CELA3A: variants seen among roughly 807,000 people sequenced by gnomAD.
CELA3A encodes the protein chymotrypsin-like elastase family member 3A.
CELA3A carries 35 observed loss-of-function variants against 38.6 expected under a neutral mutation model. The observed-to-expected ratio is 0.91, with a 90% confidence interval of 0.69 to 1.20. The LOEUF is 1.20. Ranked by LOEUF, CELA3A falls within the 50% of genes most tolerant of loss-of-function variation. CELA3A has a pLI of 0.00. For synonymous variants in CELA3A, 143 were observed against 136.7 expected (o/e 1.05, Z -0.32); for missense variants, 343 against 354.2 (o/e 0.97, Z 0.25).
rs544002041 is a variant in CELA3A, at chr1:22,008,454, C to T, written c.642+939C>T. Among the ~76,000 whole-genome samples, 69 of 146,876 alleles carry T rather than the reference C, an allele frequency of 4.7e-4. 3 individuals carry two copies. Among genetic ancestry groups the T allele is most frequent in the African/African-American group, 1.6e-3 (67 of 40,650 alleles). ...ATGTGAGCCACTTTCCTGGCCAAGA[C>T]CTTGTCTAAGAAAAAAAAACAAAGG... On this transcript the variant is annotated intron_variant, in intron 6 of 7. Coordinates refer to ENST00000290122, the MANE Select transcript of CELA3A (RefSeq NM_005747.5).
At chr1:22,004,752 A>C (rs1288237064) in intron 2 of CELA3A, among the ~76,000 whole-genome samples, 1 of 151,084 alleles carries the variant, frequency 6.6e-6, no homozygotes, top group African/African-American at 2.5e-5. Flanking sequence ...AGAACTCATC[A>C]GGGTGAGCTG....
In CELA3A at chr1:22,004,220, C is replaced by T. The variant is rs377451296; in HGVS notation, c.129+1132C>T. 1.7e-4 allele frequency among the ~76,000 whole-genome samples: 25 copies of T among 150,540 alleles called. 1 individual carries two copies. The East Asian group carries it at 4.3e-3, about 26-fold the overall frequency. ...CTGTGTAGCTAGGACTACAGGCATG[C>T]GCCACCATGCCCAGCTAATTTTTAT... is the stretch of plus-strand genomic sequence containing the variant. On this transcript the variant is annotated intron_variant, in intron 2 of 7. Coordinates refer to ENST00000290122, the MANE Select transcript of CELA3A (RefSeq NM_005747.5).
At chr1:22,008,152 C>CTTTT (rs71016968) in intron 6 of CELA3A, among the ~76,000 whole-genome samples, 18 of 86,856 alleles carry the variant, frequency 2.1e-4, no homozygotes, top group Middle Eastern at 9.3e-3. Context: ...GACGTTGTCT[C>CTTTT]TTTTTTTTTT....
intron 2 of CELA3A, among the ~76,000 whole-genome samples, chr1:22,004,274 T>C (rs1644935855): frequency 6.6e-6 from 1 of 150,792 alleles, no homozygotes; most frequent in Admixed American, 6.6e-5. Context: ...GGTCTCACTA[T>C]GTTGCCCAGG....
chr1:22,006,247 C>T (rs1644949257), intron 4 of CELA3A, among the ~76,000 whole-genome samples: 1 of 151,728 alleles, frequency 6.6e-6, no homozygotes, highest in Non-Finnish European at 1.5e-5. Flanking sequence ...CTGAGCAAGT[C>T]ACTGGCCTTC....
rs911609046 is a variant in CELA3A at position 22,007,647 on chromosome 1, A to G, written c.642+132A>G. The G allele has an allele frequency of 4.9e-6, 7 of 1,433,852 alleles. No homozygotes were observed. In the Admixed American group the frequency reaches 7.1e-5, roughly 15 times the overall value. The allele number at this position is 1,433,852 out of a possible 1,614,324, so 88.8% of individuals were successfully genotyped here. On this transcript the variant is annotated intron_variant, in intron 6 of 7. Transcript: ENST00000290122. The stretch of plus-strand genomic sequence containing the variant: ...AGCCTCCAGGCCAGGCAGGACTTGG[A>G]GGAAATCAGCGCAGTCCAGACACAG...
intron 3 of CELA3A, 54 bp downstream of exon 3, chr1:22,005,598 G>A: frequency 1.9e-6 from 3 of 1,612,118 alleles, no homozygotes; most frequent in Non-Finnish European, 2.5e-6. Context: ...GGGAGAGTGG[G>A]TGATGATGGG....
rs1045781252 is a variant in CELA3A at position 22,007,476 on chromosome 1, C to T, written c.603C>T (p.Thr201=). ...GGTGGGGTTCCACCGTGAAGAAAACCATGGTGTGTGCTGGAGGGTACATCC... is the reference window on the plus strand; with the variant it reads ...GGTGGGGTTCCACCGTGAAGAAAACTATGGTGTGTGCTGGAGGGTACATCC... ...WNWWGSTVKK[T]MVCAGGYIRS... is the part of the protein sequence containing the mutation. The change falls in exon 6 of 8, where the codon ACC becomes ACT. Residue 201 remains threonine, a synonymous_variant. Transcript: ENST00000290122. The T allele has an allele frequency of 3.7e-6, 6 of 1,612,402 alleles. 1 individual carries two copies. The African/African-American group carries it at 6.7e-5, about 18-fold the overall frequency.
intron 6 of CELA3A, among the ~76,000 whole-genome samples, chr1:22,007,920 G>C (rs1644960787): frequency 1.3e-5 from 2 of 151,022 alleles, no homozygotes; most frequent in Non-Finnish European, 2.9e-5. Flanking sequence ...GGGAGGCTGA[G>C]GTGGGAGGAT....
intron 1 of CELA3A, chr1:22,002,591 C>G (rs1644925006): frequency 2.2e-6 from 1 of 456,304 alleles, no homozygotes. Context: ...GATCCTCCCG[C>G]CTCGGCCTCT....
chr1:22,007,329 G>A lies in CELA3A; in HGVS notation c.500-44G>A, dbSNP rs368203921. 234 of 1,574,672 alleles carry A rather than the reference G, an allele frequency of 1.5e-4. 14 individuals are homozygous for A. In the African/African-American group the frequency reaches 2.0e-3, roughly 13 times the overall value. The stretch of plus-strand genomic sequence containing the variant: ...GCCCCCTTCCTCTGGGGCACCTAGC[G>A]GTGTGCCCCCAGACCCCTGACTCGG... On this transcript the variant is annotated intron_variant, in intron 5 of 7. Coordinates refer to ENST00000290122, the MANE Select transcript of CELA3A (RefSeq NM_005747.5).
In CELA3A at chr1:22,005,801, G is replaced by A. The variant is rs750280759; in HGVS notation, c.362+5G>A. 4 of 1,611,038 alleles carry A rather than the reference G, an allele frequency of 2.5e-6. No individual in the cohort carries two copies. The South Asian group carries it at 4.4e-5, about 18-fold the overall frequency. On this transcript the variant is annotated splice_donor_5th_base_variant and intron_variant, in intron 4 of 7. Transcript: ENST00000290122. ...CCGCTCGTGTGTGGCCTGTGGGTGAGTGAATGCTCCGGTCTGGAACCCAGG... is the reference window on the plus strand; with the variant it reads ...CCGCTCGTGTGTGGCCTGTGGGTGAATGAATGCTCCGGTCTGGAACCCAGG...
At chr1:22,007,340 A>G in intron 5 of CELA3A, 33 bp from the exon 6 acceptor site, 1 of 1,588,790 alleles carries the variant, frequency 6.3e-7, no homozygotes, top group Middle Eastern at 1.7e-4. Context: ...GTGTGCCCCC[A>G]GACCCCTGAC....
At chr1:22,003,368 T>G (rs1253402392) in intron 2 of CELA3A, among the ~76,000 whole-genome samples, 1 of 151,050 alleles carries the variant, frequency 6.6e-6, no homozygotes, top group African/African-American at 2.5e-5. Context: ...GGCACTGTGT[T>G]GACGAAGTGA....
At chr1:22,003,619 T>C (rs946891969) in intron 2 of CELA3A, among the ~76,000 whole-genome samples, 8 of 150,470 alleles carry the variant, frequency 5.3e-5, no homozygotes, top group African/African-American at 2.0e-4. Context: ...AGTTGGAGGT[T>C]GCAGTGAGAC....
In CELA3A at chr1:22,005,773, G is replaced by A. The variant is rs374012083; in HGVS notation, c.339G>A (p.Trp113Ter). The change falls in exon 4 of 8, where the codon TGG becomes TGA. Residue 113 changes from tryptophan to a stop codon, truncating the protein, a stop_gained. Coordinates refer to ENST00000290122, the MANE Select transcript of CELA3A (RefSeq NM_005747.5). LOFTEE classifies it high-confidence loss of function. The stretch of plus-strand genomic sequence containing the variant: ...AGGAGCTGTTTGTGCATCCACTCTG[G>A]AACCGCTCGTGTGTGGCCTGTGGGT... ...NSEELFVHPLWNRSCVACGND... is the reference protein window; with the variant it reads ...NSEELFVHPL 13 of 1,611,694 alleles carry A rather than the reference G, an allele frequency of 8.1e-6. No homozygotes were observed. Among genetic ancestry groups the A allele is most frequent in the African/African-American group, 1.3e-5 (1 of 74,318 alleles).
chr1:22,008,057 G>A (rs981744914), intron 6 of CELA3A, among the ~76,000 whole-genome samples: 1 of 150,698 alleles, frequency 6.6e-6, no homozygotes, highest in African/African-American at 2.5e-5. Flanking sequence ...GATAGGCTGA[G>A]GTGGGAGGAT....
Position 22,003,469 on chromosome 1 carries a change from C to T in CELA3A, c.129+381C>T, listed in dbSNP as rs531172589. Among the ~76,000 whole-genome samples, 60 of 150,690 alleles carry T rather than the reference C, an allele frequency of 4.0e-4. 2 individuals are homozygous for T. Among genetic ancestry groups the T allele is most frequent in the African/African-American group, 1.4e-3 (58 of 40,608 alleles). Reference sequence around the variant, plus strand: ...TAAGGGAGTGAGGGATCTTGTAAGGCCAGTGGAGGGAAGCTCAGAAGGCTG... The same window carrying T: ...TAAGGGAGTGAGGGATCTTGTAAGGTCAGTGGAGGGAAGCTCAGAAGGCTG... On this transcript the variant is annotated intron_variant, in intron 2 of 7. Coordinates refer to ENST00000290122, the MANE Select transcript of CELA3A (RefSeq NM_005747.5).
Position 22,006,964 on chromosome 1 carries a change from T to A in CELA3A, c.449T>A (p.Ile150Asn), listed in dbSNP as rs371602078. The A allele has an allele frequency of 1.3e-5, 21 of 1,612,284 alleles. 1 individual carries two copies. Among genetic ancestry groups the A allele is most frequent in the African/African-American group, 9.4e-5 (7 of 74,170 alleles). ...QLASLPPAGD[I>N]LPNKTPCYIT... The stretch of plus-strand genomic sequence containing the variant: ...GCCTCACTCCCTCCCGCTGGTGACA[T>A]CCTTCCCAACAAGACACCCTGCTAC... Residue 150 changes from isoleucine to asparagine, a missense_variant, in exon 5 of 8, where the codon ATC becomes AAC. Transcript: ENST00000290122.
Sources: gnomAD v4.1 joint callset for allele counts (sites outside exome capture counted in the v4.1 genomes callset) on GRCh38, gnomAD v4.1.1 for gene constraint, MANE v1.5 for transcripts, NCBI Gene and HGNC (gene_info 2026-07-23, HGNC 2026-07-21) for gene names.